EIF3E: variants seen among roughly 807,000 people sequenced by gnomAD.
The protein encoded by EIF3E is eukaryotic translation initiation factor 3 subunit E.
Under a neutral mutation model 59.3 loss-of-function variants are expected in EIF3E, and 25 were observed. The ratio of observed to expected loss-of-function variants is 0.42; its 90% CI spans 0.31 to 0.59. The LOEUF is 0.59. Ranked by LOEUF, EIF3E falls within the 20% of genes least tolerant of loss-of-function variation. The pLI, the probability that EIF3E is intolerant of heterozygous loss-of-function variation, is 0.15. For missense variants in EIF3E, 317 were observed against 534.3 expected (o/e 0.59, Z 4.01); for synonymous variants, 176 against 170.2 (o/e 1.03, Z -0.26).
chr8:108,209,718 A>T (rs929344125), intron 10 of EIF3E, among the ~76,000 whole-genome samples: 8 of 152,222 alleles, frequency 5.3e-5, no homozygotes, highest in Non-Finnish European at 1.2e-4. Context: ...TTTGCCGTTT[A>T]GGAAGCTGAA....
chr8:108,233,186 T>C (rs997680516), intron 5 of EIF3E, among the ~76,000 whole-genome samples: 8 of 152,218 alleles, frequency 5.3e-5, no homozygotes, highest in African/African-American at 1.9e-4. Context: ...AGAATTCATC[T>C]ACAAATGGAA....
chr8:108,245,566 T>C (rs57848349), intron 1 of EIF3E, among the ~76,000 whole-genome samples: 11,012 of 152,086 alleles, frequency 0.072, 1,269 homozygotes, highest in African/African-American at 0.24. Flanking sequence ...ATGAGATTGG[T>C]GGTAGTATTA....
chr8:108,228,583 C>CAGATT (rs1815563204), intron 6 of EIF3E, among the ~76,000 whole-genome samples, 192 bp from the exon 7 acceptor site: 1 of 152,030 alleles, frequency 6.6e-6, no homozygotes, highest in Non-Finnish European at 1.5e-5. Flanking sequence ...AAATTATTAC[C>CAGATT]CTGTTCTTAG....
intron 7 of EIF3E, among the ~76,000 whole-genome samples, chr8:108,220,330 T>C (rs1418120333): frequency 2.0e-5 from 3 of 152,340 alleles, no homozygotes; most frequent in Admixed American, 1.3e-4. Flanking sequence ...AATTCAACTG[T>C]AGTTAAATTT....
At chr8:108,218,782 C>CTTTTTTTTTTTTTTTT (rs35642365) in intron 7 of EIF3E, among the ~76,000 whole-genome samples, 1 of 111,162 alleles carries the variant, frequency 9.0e-6, no homozygotes, top group Non-Finnish European at 1.8e-5. Context: ...TATTTTATTT[C>CTTTTTTTTTTTTTTTT]TTTTTTTTTT....
At chr8:108,244,125 T>A (rs975054849) in intron 1 of EIF3E, among the ~76,000 whole-genome samples, 76 of 152,250 alleles carry the variant, frequency 5.0e-4, no homozygotes, top group Non-Finnish European at 9.6e-4. Flanking sequence ...CACAATTTTT[T>A]AAAAATTTTG....
chr8:108,216,525 A>G lies in EIF3E; in HGVS notation c.850-12T>C, dbSNP rs1476166011. 6.4e-7 allele frequency: 1 copy of G among 1,561,594 alleles called. No individual in the cohort carries two copies. ...TATGTGTAAGACTCCTGTAAAAATAAGTCAACGGTCAAGGTAAGTCTGATT... is the reference window on the plus strand; with the variant it reads ...TATGTGTAAGACTCCTGTAAAAATAGGTCAACGGTCAAGGTAAGTCTGATT... On this transcript the variant is annotated splice_polypyrimidine_tract_variant and intron_variant, in intron 8 of 12. Coordinates refer to ENST00000220849, the MANE Select transcript of EIF3E (RefSeq NM_001568.3).
At position 108,241,104 on chromosome 8, in the gene EIF3E, T is replaced by C. The variant is rs115142378; in HGVS notation, c.205+695A>G. ...ATGTGGATTATGTTTAATGTAATAATGTCTGTATTATATATTAGAAAGTAT... is the reference window on the plus strand; with the variant it reads ...ATGTGGATTATGTTTAATGTAATAACGTCTGTATTATATATTAGAAAGTAT... On this transcript the variant is annotated intron_variant, in intron 2 of 12. Coordinates refer to ENST00000220849, the MANE Select transcript of EIF3E (RefSeq NM_001568.3). Among the ~76,000 whole-genome samples the C allele has an allele frequency of 8.8e-3, 1,333 of 152,310 alleles. 17 individuals carry two copies. The highest frequency in any genetic ancestry group is 0.03 in the African/African-American group (1,240 of 41,570).
intron 5 of EIF3E, among the ~76,000 whole-genome samples, chr8:108,233,096 T>C (rs1037444523): frequency 6.6e-6 from 1 of 152,104 alleles, no homozygotes; most frequent in Admixed American, 6.5e-5. Flanking sequence ...GATGGAATTT[T>C]TTGATAAGTT....
At chr8:108,219,333 C>T (rs1254878008) in intron 7 of EIF3E, among the ~76,000 whole-genome samples, 1 of 151,974 alleles carries the variant, frequency 6.6e-6, no homozygotes, top group Non-Finnish European at 1.5e-5. Flanking sequence ...TTGTAAAGAA[C>T]CAGATAGTAA....
At chr8:108,210,640 A>G (rs950973884) in intron 10 of EIF3E, among the ~76,000 whole-genome samples, 5 of 152,184 alleles carry the variant, frequency 3.3e-5, no homozygotes, top group African/African-American at 9.7e-5. Context: ...GTACATTTGT[A>G]CAACGTGCAG....
intron 5 of EIF3E, among the ~76,000 whole-genome samples, chr8:108,232,473 A>C (rs910724872): frequency 6.6e-6 from 1 of 152,166 alleles, no homozygotes; most frequent in African/African-American, 2.4e-5. Flanking sequence ...GTTTAAAACT[A>C]ACCCTCAAAT....
At chr8:108,247,702 GTC>G (rs1342841772) in intron 1 of EIF3E, among the ~76,000 whole-genome samples, 1 of 152,078 alleles carries the variant, frequency 6.6e-6, no homozygotes, top group African/African-American at 2.4e-5. Context: ...TTATATTGTA[GTC>G]TGCTTCCAGA....
At chr8:108,243,628 C>CAA (rs1233122068) in intron 1 of EIF3E, among the ~76,000 whole-genome samples, 3 of 18,174 alleles carry the variant, frequency 1.7e-4, no homozygotes, top group African/African-American at 3.9e-4. Context: ...GACTCTGTCT[C>CAA]AAAAAAAAAG....
At chr8:108,240,421 G>A (rs1014197740) in intron 2 of EIF3E, among the ~76,000 whole-genome samples, 1 of 152,048 alleles carries the variant, frequency 6.6e-6, no homozygotes, top group African/African-American at 2.4e-5. Context: ...CTTTCCAAGT[G>A]TTTTTATATT....
In EIF3E at chr8:108,204,731, G is replaced by GTGTATATATATA. The variant is rs1554597993; in HGVS notation, c.1062-1229_1062-1228insTATATATATACA. Among the ~76,000 whole-genome samples, 3 of 86,788 alleles carry GTGTATATATATA rather than the reference G, an allele frequency of 3.5e-5. No individual in the cohort carries two copies. In the Admixed American group the frequency reaches 3.5e-4, roughly 10 times the overall value. 56.9% of individuals were successfully genotyped at this position (86,788 alleles called of 152,430 possible). On this transcript the variant is annotated intron_variant, in intron 10 of 12. Coordinates refer to ENST00000220849, the MANE Select transcript of EIF3E (RefSeq NM_001568.3). ...GCTATATACTATATATAGTATGTAT[G>GTGTATATATATA]TATATATATATATATAGAGAGAGAG...
intron 10 of EIF3E, among the ~76,000 whole-genome samples, chr8:108,212,291 CTG>C (rs1445670900): frequency 6.6e-6 from 1 of 152,186 alleles, no homozygotes; most frequent in Non-Finnish European, 1.5e-5. Flanking sequence ...ATAAGTCCCA[CTG>C]TCACACAGAG....
At chr8:108,210,594 C>G (rs1815187595) in intron 10 of EIF3E, among the ~76,000 whole-genome samples, 1 of 152,076 alleles carries the variant, frequency 6.6e-6, no homozygotes, top group Non-Finnish European at 1.5e-5. Flanking sequence ...TTTCCAGCCA[C>G]TGTCTTTTTT....
chr8:108,217,298 T>C (rs763406536), intron 8 of EIF3E, 36 bp downstream of exon 8: 1 of 1,407,548 alleles, frequency 7.1e-7, no homozygotes, highest in South Asian at 1.4e-5. Context: ...AGCTTAGGTA[T>C]TTAAAAAAAA....
Sources: allele counts gnomAD v4.1 joint callset (sites outside exome capture counted in the v4.1 genomes callset), GRCh38; gene constraint gnomAD v4.1.1; transcripts MANE v1.5; gene names NCBI Gene and HGNC (gene_info 2026-07-23, HGNC 2026-07-21).